The following ZBTB20 variants were observed in gnomAD, a reference collection of about 807,000 sequenced individuals.
ZBTB20 encodes zinc finger and BTB domain-containing protein 20.
In ZBTB20, 9 loss-of-function variants were observed where a neutral mutation model predicts 56.9. That is an observed-to-expected ratio of 0.16 (90% CI 0.10 to 0.28). The LOEUF (loss-of-function observed/expected upper bound fraction) is 0.28, where lower values mean the gene tolerates loss of function less well. ZBTB20 is among the 10% of genes least tolerant of loss of function. ZBTB20 has a pLI of 1.00. For missense variants in ZBTB20, 655 were observed against 1,003.0 expected, an observed-to-expected ratio of 0.65 and a Z score of 4.69; for synonymous variants, 417 against 420.7, an observed-to-expected ratio of 0.99 and a Z score of 0.11.
In ZBTB20 at chr3:114,329,347, G is replaced by T. The variant is rs2079162171; in HGVS notation, c.*9658C>A. ...TGTCCTGAATGTAGAAGTGAAGAAGGACACTAGTTTCAGGCACCTGGGATG... is the reference window on the plus strand; with the variant it reads ...TGTCCTGAATGTAGAAGTGAAGAAGTACACTAGTTTCAGGCACCTGGGATG... On this transcript the variant is annotated 3_prime_UTR_variant, in exon 12 of 12. Transcript: ENST00000675478. 6.6e-6 allele frequency: 1 copy of T among 152,152 alleles called. No homozygotes were observed. The highest frequency in any genetic ancestry group is 2.1e-4 in the South Asian group (1 of 4,830). The allele number at this position is 152,152 out of a possible 1,614,324, so 9.4% of individuals were successfully genotyped here.
At chr3:114,767,286 T>C (rs2068852697) in intron 5 of ZBTB20, among the ~76,000 whole-genome samples, 1 of 152,068 alleles carries the variant, frequency 6.6e-6, no homozygotes, top group African/African-American at 2.4e-5. Flanking sequence ...TTTCTATGGA[T>C]TTTCTATTAC....
Position 114,380,770 on chromosome 3 carries a change from G to A in ZBTB20, c.11+7C>T, listed in dbSNP as rs1017171856. On this transcript the variant is annotated splice_region_variant and intron_variant, in intron 9 of 11. Coordinates refer to ENST00000675478, the MANE Select transcript of ZBTB20 (RefSeq NM_001348800.3). ...ATGGTCTGGAAAAATACTAGTGGAA[G>A]TTTTACCGTTCTAGCATTTGTCAGG... The A allele has an allele frequency of 3.3e-6, 5 of 1,507,902 alleles. No homozygotes were observed. In the African/African-American group the frequency reaches 7.0e-5, roughly 21 times the overall value. 93.4% of individuals were successfully genotyped at this position (1,507,902 alleles called of 1,614,324 possible).
At chr3:115,072,381 G>A (rs1481069149) in intron 1 of ZBTB20, among the ~76,000 whole-genome samples, 5 of 152,264 alleles carry the variant, frequency 3.3e-5, no homozygotes, top group Non-Finnish European at 1.5e-5. Context: ...TGAGGTCTCA[G>A]TGATGTAACT....
intron 2 of ZBTB20, among the ~76,000 whole-genome samples, chr3:115,011,221 G>A (rs2079691302): frequency 6.6e-6 from 1 of 151,804 alleles, no homozygotes; most frequent in Non-Finnish European, 1.5e-5. Context: ...GAAAGAGACA[G>A]GGGTAGAAAG....
At chr3:114,834,460 G>T (rs2074019275) in intron 4 of ZBTB20, among the ~76,000 whole-genome samples, 1 of 152,132 alleles carries the variant, frequency 6.6e-6, no homozygotes, top group African/African-American at 2.4e-5. Context: ...CTTAGTCTTA[G>T]ATTTACATTC....
intron 7 of ZBTB20, among the ~76,000 whole-genome samples, chr3:114,450,441 C>G (rs1181237575): frequency 6.6e-6 from 1 of 152,118 alleles, no homozygotes; most frequent in African/African-American, 2.4e-5. Context: ...AAATAGTTCT[C>G]TCTTCCCTTT....
At chr3:115,050,189 T>C (rs1007121081) in intron 2 of ZBTB20, among the ~76,000 whole-genome samples, 4 of 152,008 alleles carry the variant, frequency 2.6e-5, no homozygotes, top group African/African-American at 4.8e-5. Flanking sequence ...TCGGAAAACA[T>C]TGAAAAGGTA....
intron 7 of ZBTB20, among the ~76,000 whole-genome samples, chr3:114,454,216 G>T (rs1421677887): frequency 2.1e-5 from 3 of 145,838 alleles, no homozygotes; most frequent in Non-Finnish European, 4.5e-5. Context: ...GAGAGAAATT[G>T]GAGCTTCCTT....
At chr3:114,951,166 G>A (rs2077053653) in intron 3 of ZBTB20, among the ~76,000 whole-genome samples, 1 of 151,916 alleles carries the variant, frequency 6.6e-6, no homozygotes, top group Admixed American at 6.6e-5. Context: ...ATTTGTAACT[G>A]TTTTCCTGCA....
At position 114,316,529 on chromosome 3, in the gene ZBTB20, T is replaced by C; in HGVS notation, c.*22476A>G. 1 of 533,586 alleles carries C rather than the reference T, an allele frequency of 1.9e-6. No individual in the cohort carries two copies. Among genetic ancestry groups the C allele is most frequent in the South Asian group, 1.4e-5 (1 of 71,252 alleles). 33.1% of individuals were successfully genotyped at this position (533,586 alleles called of 1,614,324 possible). ...TACACTATATATATGTGGATACATA[T>C]AGGAAGTGTGTATACATTTATACAT... On this transcript the variant is annotated 3_prime_UTR_variant, in exon 12 of 12. Transcript: ENST00000675478.
At chr3:115,031,349 T>C (rs950080392) in intron 2 of ZBTB20, among the ~76,000 whole-genome samples, 4 of 151,452 alleles carry the variant, frequency 2.6e-5, no homozygotes, top group African/African-American at 7.2e-5. Flanking sequence ...TACATCTTCT[T>C]GAACTAAATC....
intron 6 of ZBTB20, among the ~76,000 whole-genome samples, chr3:114,583,676 T>A (rs1239590223): frequency 1.3e-5 from 2 of 152,270 alleles, no homozygotes; most frequent in African/African-American, 4.8e-5. Flanking sequence ...CTAACTAAGG[T>A]TCCTTACCCT....
chr3:114,402,915 A>G (rs2733403), intron 7 of ZBTB20, among the ~76,000 whole-genome samples: 38,767 of 152,062 alleles, frequency 0.25, 5,540 homozygotes, highest in African/African-American at 0.38. Context: ...AAATTTCAGG[A>G]TACTATGTCA....
intron 6 of ZBTB20, among the ~76,000 whole-genome samples, chr3:114,647,616 T>C (rs1021462624): frequency 3.3e-5 from 5 of 152,202 alleles, no homozygotes; most frequent in Non-Finnish European, 7.3e-5. Context: ...ATTGGTGTGA[T>C]CTTGAATACA....
chr3:114,997,043 A>G (rs931787254), intron 2 of ZBTB20, among the ~76,000 whole-genome samples: 1 of 151,862 alleles, frequency 6.6e-6, no homozygotes, highest in African/African-American at 2.4e-5. Flanking sequence ...TGGGAGTGTA[A>G]ATTAGTTCAA....
At position 114,776,184 on chromosome 3, in the gene ZBTB20, T is replaced by C. The variant is rs529942152; in HGVS notation, c.-343+24917A>G. ...TGCAGAGCAGGTACAAAGGTAAACA[T>C]GGTGTGGTGGGCTGAATAATGACAT... is the stretch of plus-strand genomic sequence containing the variant. On this transcript the variant is annotated intron_variant, in intron 5 of 11. Coordinates refer to ENST00000675478, the MANE Select transcript of ZBTB20 (RefSeq NM_001348800.3). Among the ~76,000 whole-genome samples the C allele has an allele frequency of 6.6e-5, 10 of 151,740 alleles. No individual in the cohort carries two copies. In the South Asian group the frequency reaches 1.7e-3, roughly 25 times the overall value.
At chr3:115,108,935 T>C (rs1398576827) in intron 1 of ZBTB20, among the ~76,000 whole-genome samples, 1 of 152,208 alleles carries the variant, frequency 6.6e-6, no homozygotes, top group Non-Finnish European at 1.5e-5. Context: ...TATGCTATTA[T>C]AGCTGTTGTT....
intron 2 of ZBTB20, among the ~76,000 whole-genome samples, chr3:114,987,493 T>C (rs1044751374): frequency 1.4e-4 from 22 of 152,250 alleles, no homozygotes; most frequent in South Asian, 1.0e-3. Context: ...GAAGGAGAAA[T>C]CACAAAACGT....
chr3:114,762,873 C>T (rs1342286420), intron 5 of ZBTB20, among the ~76,000 whole-genome samples: 1 of 152,204 alleles, frequency 6.6e-6, no homozygotes, highest in African/African-American at 2.4e-5. Context: ...TCCTTCCTTA[C>T]TGGCTGTCTG....
Sources: allele counts gnomAD v4.1 joint callset (sites outside exome capture counted in the v4.1 genomes callset), GRCh38; gene constraint gnomAD v4.1.1; transcripts MANE v1.5; gene names NCBI Gene and HGNC (gene_info 2026-07-23, HGNC 2026-07-21).